Variants in DLEU7 observed in about 807,000 individuals in gnomAD.
DLEU7 encodes deleted in lymphocytic leukemia 7, also known as leukemia-associated protein 7.
A neutral mutation model predicts 16.0 loss-of-function variants in DLEU7; 17 were observed. The observed-to-expected ratio is 1.06, with a 90% CI of 0.73 to 1.59. DLEU7 has a LOEUF of 1.59. DLEU7 is among the 40% of genes most tolerant of loss of function. DLEU7 has a pLI of 0.00. For missense variants in DLEU7, 308 were observed against 314.9 expected (o/e 0.98, Z 0.17); for synonymous variants, 113 against 139.8 (o/e 0.81, Z 1.35).
chr13:50,779,174 C>A (rs1352973700), intron 1 of DLEU7, among the ~76,000 whole-genome samples: 1 of 152,178 alleles, frequency 6.6e-6, no homozygotes, highest in Non-Finnish European at 1.5e-5. Flanking sequence ...AGCACAGGAG[C>A]AGAAATTCCC....
chr13:50,716,629 A>G (rs1205767986), intron 1 of DLEU7, among the ~76,000 whole-genome samples: 1 of 152,232 alleles, frequency 6.6e-6, no homozygotes, highest in Admixed American at 6.5e-5. Context: ...TGGTTTCTTC[A>G]TGTGTAAGGT....
At chr13:50,792,585 C>T (rs762021739) in intron 1 of DLEU7, among the ~76,000 whole-genome samples, 7 of 152,004 alleles carry the variant, frequency 4.6e-5, no homozygotes, top group Non-Finnish European at 7.4e-5. Flanking sequence ...ATCTCTTCTT[C>T]TCTATTCACT....
chr13:50,843,558 C>A lies in DLEU7; in HGVS notation c.89G>T (p.Trp30Leu), dbSNP rs761070115. The change falls in exon 1 of 2, where the codon TGG becomes TTG. Residue 30 changes from tryptophan (W) to leucine (L), a missense_variant. Coordinates refer to ENST00000504404, the MANE Select transcript of DLEU7 (RefSeq NM_001306135.2). This position sits in a 1 kb window ranked among gnomAD's most constrained non-coding sequence, Gnocchi z 5.7. ...TLQLLQQEWGWGDGPVAPGNP... is the reference protein window; with the variant it reads ...TLQLLQQEWGLGDGPVAPGNP... ...CCCGGGGGCGACTGGACCGTCCCCC[C>A]AGCCCCACTCCTGCTGCAGCAGCTG... is the stretch of plus-strand genomic sequence containing the variant. 69 of 1,482,734 alleles carry A rather than the reference C, an allele frequency of 4.7e-5. No homozygotes were observed. Among genetic ancestry groups the A allele is most frequent in the Non-Finnish European group, 5.6e-5 (63 of 1,125,268 alleles). The allele number at this position is 1,482,734 out of a possible 1,614,324, so 91.8% of individuals were successfully genotyped here.
At chr13:50,835,106 T>C (rs144182309) in intron 1 of DLEU7, among the ~76,000 whole-genome samples, 1,807 of 152,262 alleles carry the variant, frequency 0.012, 40 homozygotes, top group African/African-American at 0.041. Context: ...GATGGGTTGA[T>C]GGATGCAGCA....
exon 2 of DLEU7, chr13:50,711,933 A>G (rs1873306687): frequency 6.6e-6 from 1 of 151,694 alleles, no homozygotes; most frequent in South Asian, 2.1e-4. Flanking sequence ...AGGAGAAGAG[A>G]AATCCATTGT....
At chr13:50,746,427 T>G (rs17074869) in intron 1 of DLEU7, among the ~76,000 whole-genome samples, 1,948 of 152,324 alleles carry the variant, frequency 0.013, 40 homozygotes, top group African/African-American at 0.043. Flanking sequence ...TGTGGCCTTA[T>G]TCTTCCATCA....
intron 1 of DLEU7, chr13:50,807,836 ACTTT>A (rs1342509557): frequency 1.3e-5 from 2 of 152,180 alleles, no homozygotes; most frequent in African/African-American, 2.4e-5. Flanking sequence ...GGCTAAAGGG[ACTTT>A]CTTTCTGAGA....
At chr13:50,801,434 G>A (rs1018032145) in intron 1 of DLEU7, among the ~76,000 whole-genome samples, 11 of 152,048 alleles carry the variant, frequency 7.2e-5, no homozygotes, top group African/African-American at 2.7e-4. Flanking sequence ...TCATTTTTGA[G>A]TATCCCTTTT....
downstream of DLEU7, chr13:50,711,772 C>CCGGGTGGGG: frequency 1.4e-5 from 1 of 72,928 alleles, no homozygotes; most frequent in African/African-American, 3.9e-5. Flanking sequence ...GACCCAGTGG[C>CCGGGTGGGG]GGGGGCGGGG....
intron 1 of DLEU7, among the ~76,000 whole-genome samples, chr13:50,806,067 T>C (rs1307858326): frequency 6.6e-6 from 1 of 152,192 alleles, no homozygotes; most frequent in African/African-American, 2.4e-5. Context: ...ATGACTTTCT[T>C]GAAGCTCAGA....
At chr13:50,767,501 G>A (rs1875157693) in intron 1 of DLEU7, among the ~76,000 whole-genome samples, 1 of 151,082 alleles carries the variant, frequency 6.6e-6, no homozygotes, top group African/African-American at 2.4e-5. Flanking sequence ...ATTTCCACCT[G>A]GATGTTCATG....
At chr13:50,804,623 T>C (rs894687591) in intron 1 of DLEU7, among the ~76,000 whole-genome samples, 2 of 151,970 alleles carry the variant, frequency 1.3e-5, no homozygotes, top group Non-Finnish European at 2.9e-5. Flanking sequence ...TTTAAAAATT[T>C]TTATTAGAGA....
intron 1 of DLEU7, among the ~76,000 whole-genome samples, chr13:50,724,472 T>C (rs1873710495): frequency 6.6e-6 from 1 of 152,044 alleles, no homozygotes; most frequent in Non-Finnish European, 1.5e-5. Flanking sequence ...GCACACAATA[T>C]CACAGCTCCT....
At chr13:50,796,696 G>A (rs902775574) in intron 1 of DLEU7, among the ~76,000 whole-genome samples, 2 of 152,114 alleles carry the variant, frequency 1.3e-5, no homozygotes, top group African/African-American at 4.8e-5. Flanking sequence ...GAATGTGAAA[G>A]GAAGTGAGGT....
intron 1 of DLEU7, among the ~76,000 whole-genome samples, chr13:50,743,390 G>A (rs1222454768): frequency 6.6e-6 from 1 of 152,198 alleles, no homozygotes; most frequent in Non-Finnish European, 1.5e-5. Context: ...GTGAGCATGT[G>A]AGGTTAGTAG....
At chr13:50,723,864 CAT>C (rs1367309849) in intron 1 of DLEU7, among the ~76,000 whole-genome samples, 2 of 151,076 alleles carry the variant, frequency 1.3e-5, no homozygotes, top group African/African-American at 4.8e-5. Context: ...TACACACACA[CAT>C]ATATATATAT....
At chr13:50,759,218 A>C (rs1484614191) in intron 1 of DLEU7, among the ~76,000 whole-genome samples, 4 of 152,190 alleles carry the variant, frequency 2.6e-5, no homozygotes, top group African/African-American at 9.6e-5. Flanking sequence ...TATCAGCTTC[A>C]TTTAGAGATA....
intron 1 of DLEU7, among the ~76,000 whole-genome samples, chr13:50,790,651 C>T (rs886212331): frequency 2.6e-5 from 4 of 151,732 alleles, no homozygotes; most frequent in African/African-American, 9.7e-5. Context: ...CTGTGGGATG[C>T]GAGGGGTGTG....
Position 50,843,633 on chromosome 13 carries a change from G to T in DLEU7, c.14C>A (p.Ala5Glu), listed in dbSNP as rs1470677616. MASP[A>E]PLVASISHQM... ...GTGGCTGATGGAGGCCACTAAGGGC[G>T]CAGGGCTGGCCATCGCCTCCGCTGG... The change falls in exon 1 of 2, where the codon GCG becomes GAG. Residue 5 changes from alanine to glutamate, a missense_variant. Physicochemically the swap from Ala to Glu is moderately radical, Grantham distance 107. Coordinates refer to ENST00000504404, the MANE Select transcript of DLEU7 (RefSeq NM_001306135.2). The surrounding 1 kb of genome is among the most constrained non-coding windows in gnomAD (Gnocchi z 5.7). 47 of 1,510,676 alleles carry T rather than the reference G, an allele frequency of 3.1e-5. No homozygotes were observed. The highest frequency in any genetic ancestry group is 4.0e-5 in the Non-Finnish European group (45 of 1,135,922). The allele number at this position is 1,510,676 out of a possible 1,614,324, so 93.6% of individuals were successfully genotyped here.
Sources: allele counts gnomAD v4.1 joint callset (sites outside exome capture counted in the v4.1 genomes callset), GRCh38; gene constraint gnomAD v4.1.1; non-coding constraint Gnocchi (gnomAD v3.1); transcripts MANE v1.5; gene names NCBI Gene and HGNC (gene_info 2026-07-23, HGNC 2026-07-21).